The following NCAM2 variants were observed in gnomAD, a reference collection of about 807,000 sequenced individuals.
The protein encoded by NCAM2 is N-CAM-2.
Under a neutral mutation model 98.1 loss-of-function variants are expected in NCAM2, and 30 were observed. The ratio of observed to expected loss-of-function variants is 0.31; its 90% CI spans 0.23 to 0.41. The LOEUF (loss-of-function observed/expected upper bound fraction) is 0.41, where lower values mean the gene tolerates loss of function less well. Ranked by LOEUF, NCAM2 falls within the 10% of genes least tolerant of loss-of-function variation. The probability of loss-of-function intolerance (pLI) is 1.00; values close to 1 mark genes in which losing one functional copy is unlikely to be tolerated. For synonymous variants in NCAM2, 368 were observed against 342.4 expected, an observed-to-expected ratio of 1.07 and a Z score of -0.83; for missense variants, 867 against 1,005.8, an observed-to-expected ratio of 0.86 and a Z score of 1.87.
chr21:21,533,750 C>T (rs952046136), intron 16 of NCAM2, among the ~76,000 whole-genome samples: 2 of 150,644 alleles, frequency 1.3e-5, no homozygotes, highest in African/African-American at 2.4e-5. Context: ...CAAATAACTT[C>T]CTTGTTACTC....
intron 1 of NCAM2, among the ~76,000 whole-genome samples, chr21:21,090,542 G>A (rs1175842110): frequency 1.3e-5 from 2 of 152,088 alleles, no homozygotes; most frequent in Non-Finnish European, 2.9e-5. Context: ...AATATCCCTT[G>A]CCTATTTTAG....
At chr21:21,331,874 AC>A (rs551002245) in intron 6 of NCAM2, among the ~76,000 whole-genome samples, 167 of 149,794 alleles carry the variant, frequency 1.1e-3, no homozygotes, top group African/African-American at 3.8e-3. Flanking sequence ...GGTGTGAGCC[AC>A]CACACCTGGC....
intron 1 of NCAM2, among the ~76,000 whole-genome samples, chr21:21,134,067 T>C (rs902304240): frequency 0.017 from 866 of 50,598 alleles, 12 homozygotes; most frequent in African/African-American, 0.089. Context: ...TTCCTCTCTT[T>C]TTTTTTTTTT....
chr21:21,005,781 CAAAAT>C (rs1045459638), intron 1 of NCAM2, among the ~76,000 whole-genome samples: 5 of 148,318 alleles, frequency 3.4e-5, no homozygotes, highest in Middle Eastern at 3.4e-3. Flanking sequence ...CACACCAAAA[CAAAAT>C]AAAATCCAGG....
intron 12 of NCAM2, among the ~76,000 whole-genome samples, chr21:21,444,027 A>G (rs1304566749): frequency 6.6e-6 from 1 of 152,026 alleles, no homozygotes; most frequent in Non-Finnish European, 1.5e-5. Context: ...AATACCTAGC[A>G]TTTTTAGAGT....
chr21:21,315,761 C>G (rs948279304), intron 5 of NCAM2, among the ~76,000 whole-genome samples: 2 of 152,104 alleles, frequency 1.3e-5, no homozygotes, highest in African/African-American at 4.8e-5. Flanking sequence ...CACAGTTTGT[C>G]TGGTGATATT....
chr21:21,413,302 T>C (rs905677941), intron 10 of NCAM2, among the ~76,000 whole-genome samples: 2 of 152,200 alleles, frequency 1.3e-5, no homozygotes, highest in African/African-American at 4.8e-5. Context: ...GTGCTTACTG[T>C]TGTGTCCATG....
intron 5 of NCAM2, among the ~76,000 whole-genome samples, chr21:21,311,452 T>C (rs2074051969): frequency 6.6e-6 from 1 of 150,640 alleles, no homozygotes; most frequent in Non-Finnish European, 1.5e-5. Context: ...GCCATTCTCC[T>C]TCCTCAGCCT....
chr21:21,054,179 A>G (rs968071074), intron 1 of NCAM2, among the ~76,000 whole-genome samples: 1 of 151,988 alleles, frequency 6.6e-6, no homozygotes, highest in Non-Finnish European at 1.5e-5. Flanking sequence ...GAAGCTTTTC[A>G]TGACTTTGTG....
chr21:21,140,171 G>A (rs934497558), intron 1 of NCAM2, among the ~76,000 whole-genome samples: 3 of 152,176 alleles, frequency 2.0e-5, no homozygotes, highest in Non-Finnish European at 2.9e-5. Context: ...TTGGTATCAT[G>A]TTATTGCTTT....
At chr21:21,111,767 C>T (rs535952818) in intron 1 of NCAM2, among the ~76,000 whole-genome samples, 35 of 152,050 alleles carry the variant, frequency 2.3e-4, no homozygotes, top group South Asian at 6.3e-4. Context: ...GAGGAGGTAG[C>T]GGGGGTCGTT....
In NCAM2 at chr21:21,336,095, A is replaced by G. The variant is rs1345837408; in HGVS notation, c.898+430A>G. Among the ~76,000 whole-genome samples the G allele has an allele frequency of 2.0e-5, 3 of 152,194 alleles. No individual in the cohort carries two copies. In the East Asian group the frequency reaches 5.8e-4, roughly 29 times the overall value. On this transcript the variant is annotated intron_variant, in intron 7 of 17. Coordinates refer to ENST00000400546, the MANE Select transcript of NCAM2 (RefSeq NM_004540.5). ...TTTCATTTAACTAAATGAAAATATA[A>G]GATAAATATCTTCCATATTTACCAA...
intron 15 of NCAM2, among the ~76,000 whole-genome samples, chr21:21,508,590 TAAAA>T (rs942853239): frequency 1.4e-5 from 2 of 146,044 alleles, no homozygotes; most frequent in South Asian, 2.1e-4. Flanking sequence ...TCTTTGTTAA[TAAAA>T]AAAAAAGAAG....
intron 8 of NCAM2, among the ~76,000 whole-genome samples, chr21:21,370,916 T>C (rs570419476): frequency 1.4e-4 from 22 of 151,908 alleles, no homozygotes; most frequent in Non-Finnish European, 2.8e-4. Flanking sequence ...ATTCAATTCC[T>C]ATTTGTTGAA....
chr21:21,444,474 T>C (rs1044488767), intron 12 of NCAM2, among the ~76,000 whole-genome samples: 1 of 152,090 alleles, frequency 6.6e-6, no homozygotes, highest in East Asian at 1.9e-4. Context: ...GGCTTTTTTT[T>C]TGGTTGGTAG....
rs2146448805 is a variant in NCAM2 at position 21,542,020 on chromosome 21, A to G, written c.*4063A>G. On this transcript the variant is annotated 3_prime_UTR_variant, in exon 18 of 18. Coordinates refer to ENST00000400546, the MANE Select transcript of NCAM2 (RefSeq NM_004540.5). ...ATTGAAATTGCATATGGATGTATCAACATAGGCTAAAATTAAATTATGGAT... is the reference window on the plus strand; with the variant it reads ...ATTGAAATTGCATATGGATGTATCAGCATAGGCTAAAATTAAATTATGGAT... 1.3e-5 allele frequency: 2 copies of G among 152,064 alleles called. No individual in the cohort carries two copies. The highest frequency in any genetic ancestry group is 6.8e-3 in the Middle Eastern group (2 of 292). The allele number at this position is 152,064 out of a possible 1,614,324, so 9.4% of individuals were successfully genotyped here. A position where few individuals can be genotyped will look rare whatever the true frequency, so the allele number is the denominator to read the frequency against.
intron 1 of NCAM2, among the ~76,000 whole-genome samples, chr21:21,028,809 T>G (rs114033987): frequency 1.4e-3 from 208 of 152,356 alleles, no homozygotes; most frequent in African/African-American, 4.8e-3. Flanking sequence ...CCTGGTCGTA[T>G]TTAACATTCT....
intron 1 of NCAM2, among the ~76,000 whole-genome samples, chr21:21,273,381 A>G (rs537281125): frequency 2.0e-5 from 3 of 152,310 alleles, no homozygotes; most frequent in African/African-American, 7.2e-5. Context: ...GATACATGGT[A>G]GAAGAGATAC....
intron 9 of NCAM2, among the ~76,000 whole-genome samples, chr21:21,396,394 T>C (rs2076507333): frequency 6.6e-6 from 1 of 152,224 alleles, no homozygotes; most frequent in African/African-American, 2.4e-5. Flanking sequence ...GGAACACTTT[T>C]AGACTGCTGG....
Sources: allele counts gnomAD v4.1 joint callset (sites outside exome capture counted in the v4.1 genomes callset), GRCh38; gene constraint gnomAD v4.1.1; transcripts MANE v1.5; gene names NCBI Gene and HGNC (gene_info 2026-07-23, HGNC 2026-07-21).